Variants in CNTN5 observed in about 807,000 individuals in gnomAD.
CNTN5 encodes contactin-5.
In CNTN5, 77 loss-of-function variants were observed where a neutral mutation model predicts 129.1. The ratio of observed to expected loss-of-function variants is 0.60; its 90% CI spans 0.50 to 0.72. The LOEUF (loss-of-function observed/expected upper bound fraction) is 0.72. CNTN5 is among the 30% of genes least tolerant of loss of function. CNTN5 has a pLI of 0.00. For synonymous variants in CNTN5, 509 were observed against 465.6 expected, an observed-to-expected ratio of 1.09 and a Z score of -1.20; for missense variants, 1,478 against 1,328.8, an observed-to-expected ratio of 1.11 and a Z score of -1.75.
intron 3 of CNTN5, among the ~76,000 whole-genome samples, chr11:99,688,910 A>G (rs1953912924): frequency 6.6e-6 from 1 of 152,094 alleles, no homozygotes; most frequent in Non-Finnish European, 1.5e-5. Context: ...CTACATTTCA[A>G]TCCATGTCCC....
chr11:100,328,348 A>G (rs1951831486), intron 21 of CNTN5, among the ~76,000 whole-genome samples: 1 of 152,152 alleles, frequency 6.6e-6, no homozygotes, highest in South Asian at 2.1e-4. Context: ...ATACAGGACA[A>G]ATAAAATGAG....
Position 100,158,509 on chromosome 11 carries a change from G to A in CNTN5, c.1581-32617G>A, listed in dbSNP as rs568873334. Among the ~76,000 whole-genome samples, 9 of 151,780 alleles carry A rather than the reference G, an allele frequency of 5.9e-5. No individual in the cohort carries two copies. The East Asian group carries it at 1.6e-3, about 26-fold the overall frequency. ...TTGTTAACTATATCACAATAAAGCT[G>A]GGAAAAATGCGATAAAGTAGAAAAA... On this transcript the variant is annotated intron_variant, in intron 13 of 24. Coordinates refer to ENST00000524871, the MANE Select transcript of CNTN5 (RefSeq NM_014361.4).
intron 9 of CNTN5, among the ~76,000 whole-genome samples, chr11:100,018,328 A>G (rs12804936): frequency 5.3e-5 from 8 of 151,792 alleles, no homozygotes; most frequent in African/African-American, 1.9e-4. Flanking sequence ...CGCATCCTCA[A>G]CCCCAGGAAA....
intron 7 of CNTN5, among the ~76,000 whole-genome samples, chr11:99,924,357 A>T (rs1950012686): frequency 6.6e-6 from 1 of 152,056 alleles, no homozygotes; most frequent in Non-Finnish European, 1.5e-5. Flanking sequence ...GTTTTCTTCT[A>T]GGATTTTTAT....
intron 3 of CNTN5, among the ~76,000 whole-genome samples, chr11:99,574,343 T>C (rs1949276985): frequency 6.6e-6 from 1 of 152,214 alleles, no homozygotes; most frequent in South Asian, 2.1e-4. Context: ...TTCCTTGCTA[T>C]TGTGAATAGT....
At chr11:99,382,848 T>TTTTTTTG (rs1388393162) in intron 2 of CNTN5, among the ~76,000 whole-genome samples, 1 of 76,396 alleles carries the variant, frequency 1.3e-5, no homozygotes, top group African/African-American at 5.2e-5. Flanking sequence ...TAAATAACTT[T>TTTTTTTG]TTTTTTTTTT....
At chr11:99,819,289 C>T (rs1250244677) in intron 3 of CNTN5, among the ~76,000 whole-genome samples, 2 of 74,210 alleles carry the variant, frequency 2.7e-5, no homozygotes, top group African/African-American at 1.2e-4. Context: ...TTTTCCCTCT[C>T]CTCTCCTCCC....
intron 1 of CNTN5, among the ~76,000 whole-genome samples, chr11:99,200,596 G>C (rs2135625814): frequency 6.6e-6 from 1 of 152,296 alleles, no homozygotes; most frequent in South Asian, 2.1e-4. Flanking sequence ...ATAGCTTTCT[G>C]CTGCAATGTT....
At chr11:100,336,561 AT>A (rs1221813501) in intron 21 of CNTN5, among the ~76,000 whole-genome samples, 13 of 152,240 alleles carry the variant, frequency 8.5e-5, no homozygotes, top group Non-Finnish European at 1.8e-4. Flanking sequence ...TCTAATTTTA[AT>A]TATTGATATC....
chr11:100,102,930 T>A (rs1945278895), intron 13 of CNTN5, among the ~76,000 whole-genome samples: 1 of 152,132 alleles, frequency 6.6e-6, no homozygotes, highest in Non-Finnish European at 1.5e-5. Context: ...TCTTTAAGGG[T>A]CATCTTACTC....
At chr11:99,697,494 C>G (rs548676531) in intron 3 of CNTN5, among the ~76,000 whole-genome samples, 283 of 151,632 alleles carry the variant, frequency 1.9e-3, no homozygotes, top group Middle Eastern at 0.01. Context: ...TTTCAAGATA[C>G]TCTACAGAAA....
intron 7 of CNTN5, among the ~76,000 whole-genome samples, chr11:99,948,978 A>G (rs1162548752): frequency 6.6e-6 from 1 of 152,192 alleles, no homozygotes; most frequent in East Asian, 1.9e-4. Context: ...GCCTTTGCTG[A>G]TACTCTTTGC....
intron 3 of CNTN5, among the ~76,000 whole-genome samples, chr11:99,686,636 A>C (rs1483230027): frequency 6.6e-6 from 1 of 152,002 alleles, no homozygotes; most frequent in Non-Finnish European, 1.5e-5. Flanking sequence ...ATAAGCTTAG[A>C]GAGATTATTG....
At position 100,271,074 on chromosome 11, in the gene CNTN5, T is replaced by G; in HGVS notation, c.2165-18T>G. ...TTCTAGTCCTCATAATGACATGAAA[T>G]TTCCTTCCTTTCTATAGTCCCAGAA... On this transcript the variant is annotated intron_variant, in intron 17 of 24. Transcript: ENST00000524871. The G allele has an allele frequency of 6.3e-7, 1 of 1,576,638 alleles. No individual in the cohort carries two copies. The highest frequency in any genetic ancestry group is 8.6e-7 in the Non-Finnish European group (1 of 1,164,398).
At chr11:99,402,565 G>T (rs1433198158) in intron 2 of CNTN5, among the ~76,000 whole-genome samples, 1 of 152,114 alleles carries the variant, frequency 6.6e-6, no homozygotes, top group Non-Finnish European at 1.5e-5. Context: ...GTCTCATTAT[G>T]ATATCAGGAT....
intron 15 of CNTN5, among the ~76,000 whole-genome samples, chr11:100,196,580 GATCAC>G (rs1307008853): frequency 6.6e-6 from 1 of 151,922 alleles, no homozygotes; most frequent in Non-Finnish European, 1.5e-5. Context: ...ATAAACATAT[GATCAC>G]ATCAGGCTAA....
At chr11:100,127,539 G>A (rs1946230966) in intron 13 of CNTN5, among the ~76,000 whole-genome samples, 1 of 151,512 alleles carries the variant, frequency 6.6e-6, no homozygotes, top group Admixed American at 6.6e-5. Flanking sequence ...TTAAGTTCAA[G>A]ATGTATAATT....
intron 2 of CNTN5, among the ~76,000 whole-genome samples, chr11:99,452,571 A>T (rs2135198335): frequency 6.6e-6 from 1 of 151,982 alleles, no homozygotes; most frequent in South Asian, 2.1e-4. Context: ...ACGAGGTTTC[A>T]CTGTGTTAGC....
At chr11:100,105,411 C>T (rs538258382) in intron 13 of CNTN5, among the ~76,000 whole-genome samples, 38 of 152,230 alleles carry the variant, frequency 2.5e-4, no homozygotes, top group Admixed American at 2.6e-4. Flanking sequence ...GTGAGACTTC[C>T]GGTACATCAA....
Sources: gnomAD v4.1 joint callset for allele counts (sites outside exome capture counted in the v4.1 genomes callset) on GRCh38, gnomAD v4.1.1 for gene constraint, MANE v1.5 for transcripts, NCBI Gene and HGNC (gene_info 2026-07-23, HGNC 2026-07-21) for gene names.